Variants in GLIS1 observed in about 807,000 individuals in gnomAD.
GLIS1 encodes GLIS family zinc finger 1.
A neutral mutation model predicts 63.8 loss-of-function variants in GLIS1; 24 were observed. The observed-to-expected ratio is 0.38, with a 90% CI of 0.27 to 0.53. GLIS1 has a LOEUF of 0.53. Among genes scored for constraint, GLIS1 ranks in the 20% least tolerant of loss-of-function variants. The pLI is 0.85. For missense variants in GLIS1, 1,036 were observed against 1,074.1 expected (o/e 0.96, Z 0.50); for synonymous variants, 450 against 482.5 (o/e 0.93, Z 0.88).
At chr1:53,597,205 A>T (rs944295954) in intron 3 of GLIS1, among the ~76,000 whole-genome samples, 6 of 147,256 alleles carry the variant, frequency 4.1e-5, no homozygotes, top group African/African-American at 1.5e-4. Flanking sequence ...AAAAAAAAAA[A>T]AAAAAACACT....
chr1:53,704,145 A>G (rs539158248), intron 2 of GLIS1, among the ~76,000 whole-genome samples: 1 of 152,224 alleles, frequency 6.6e-6, no homozygotes, highest in Non-Finnish European at 1.5e-5. Context: ...GTGGCCTTTG[A>G]AAAGTCTTCT....
intron 2 of GLIS1, among the ~76,000 whole-genome samples, chr1:53,658,272 C>T (rs116256503): frequency 4.1e-4 from 63 of 152,302 alleles, no homozygotes; most frequent in African/African-American, 1.5e-3. Flanking sequence ...TCCTATATTG[C>T]TACTATACAC....
chr1:53,575,902 C>T (rs763600348), intron 4 of GLIS1, among the ~76,000 whole-genome samples: 24 of 152,032 alleles, frequency 1.6e-4, no homozygotes, highest in Admixed American at 7.9e-4. Flanking sequence ...AAAGAGGGCC[C>T]CAAGGGGGTA....
chr1:53,541,885 G>A (rs1258470469), intron 4 of GLIS1, among the ~76,000 whole-genome samples: 1 of 152,240 alleles, frequency 6.6e-6, no homozygotes, highest in East Asian at 1.9e-4. Flanking sequence ...TCCTGCAGCT[G>A]GGGGAGTTTG....
intron 2 of GLIS1, among the ~76,000 whole-genome samples, chr1:53,637,158 G>A (rs766323178): frequency 1.1e-4 from 16 of 152,154 alleles, no homozygotes; most frequent in Non-Finnish European, 2.1e-4. Flanking sequence ...CTGGGCTGGT[G>A]GGCACTGACA....
rs981051042 is a variant in GLIS1 at position 53,650,367 on chromosome 1, A to G, written c.260-50089T>C. 7.2e-5 allele frequency among the ~76,000 whole-genome samples: 11 copies of G among 152,350 alleles called. No individual in the cohort carries two copies. In the East Asian group the frequency reaches 2.1e-3, roughly 29 times the overall value. On this transcript the variant is annotated intron_variant, in intron 2 of 10. Coordinates refer to ENST00000628545, the MANE Select transcript of GLIS1 (RefSeq NM_001367484.1). ...CACTTTGGGAGGCTGAGGCAGGTGG[A>G]TCACCTGAAGTCAGGAGTTCAAGAC... is the stretch of plus-strand genomic sequence containing the variant.
chr1:53,570,310 G>A (rs1490973511), intron 4 of GLIS1, among the ~76,000 whole-genome samples: 5 of 151,902 alleles, frequency 3.3e-5, no homozygotes, highest in African/African-American at 1.2e-4. Context: ...GTTTAGAGAT[G>A]GGGGTCTTAC....
At chr1:53,612,976 G>A (rs752282858) in intron 2 of GLIS1, among the ~76,000 whole-genome samples, 4 of 152,064 alleles carry the variant, frequency 2.6e-5, no homozygotes, top group Non-Finnish European at 4.4e-5. Flanking sequence ...CCACCACCAC[G>A]TGCGGCTAAT....
At chr1:53,649,635 G>A (rs1645884775) in intron 2 of GLIS1, among the ~76,000 whole-genome samples, 1 of 152,210 alleles carries the variant, frequency 6.6e-6, no homozygotes, top group South Asian at 2.1e-4. Context: ...TGCTTGATAT[G>A]TACCATAGAT....
At position 53,539,938 on chromosome 1, in the gene GLIS1, C is replaced by A. The variant is rs916365949; in HGVS notation, c.1321-9986G>T. ...TCCCTCCCCACGCTGCAGCCACAGG[C>A]CACACATTGCCGCCTCCACGCCTTT... On this transcript the variant is annotated intron_variant, in intron 4 of 10. Coordinates refer to ENST00000628545, the MANE Select transcript of GLIS1 (RefSeq NM_001367484.1). The surrounding 1 kb of genome is among the most constrained non-coding windows in gnomAD (Gnocchi z 5.0). Among the ~76,000 whole-genome samples the A allele has an allele frequency of 5.3e-5, 8 of 152,210 alleles. No individual in the cohort carries two copies. Among genetic ancestry groups the A allele is most frequent in the Non-Finnish European group, 1.2e-4 (8 of 68,040 alleles).
At chr1:53,618,836 A>G (rs1351779232) in intron 2 of GLIS1, among the ~76,000 whole-genome samples, 1 of 152,094 alleles carries the variant, frequency 6.6e-6, no homozygotes, top group African/African-American at 2.4e-5. Flanking sequence ...TCTTTTTCAC[A>G]CTTGAGGTCA....
At chr1:53,512,682 A>G (rs962336589) in intron 8 of GLIS1, among the ~76,000 whole-genome samples, 1 of 152,084 alleles carries the variant, frequency 6.6e-6, no homozygotes, top group Non-Finnish European at 1.5e-5. Context: ...ACCCGCAGGC[A>G]GGGGTGGGCA....
At chr1:53,596,937 G>A (rs1331646688) in intron 3 of GLIS1, among the ~76,000 whole-genome samples, 1 of 152,074 alleles carries the variant, frequency 6.6e-6, no homozygotes, top group Non-Finnish European at 1.5e-5. Context: ...TGTGCTGGGT[G>A]ATGCTGAAGA....
At position 53,594,670 on chromosome 1, in the gene GLIS1, G is replaced by C; in HGVS notation, c.758C>G (p.Ser253Cys). 2.6e-6 allele frequency: 4 copies of C among 1,555,004 alleles called. No homozygotes were observed. Among genetic ancestry groups the C allele is most frequent in the Non-Finnish European group, 3.5e-6 (4 of 1,148,040 alleles). Reference protein sequence around the residue: ...LGLPPTSPASSSPCASSDVTS... With the variant: ...LGLPPTSPASCSPCASSDVTS... ...GACGTCGGAGGAGGCACAGGGTGAG[G>C]AGGAGGCTGGGGAGGTGGGGGGTAG... The change falls in exon 4 of 11, where the codon TCC becomes TGC. Residue 253 changes from serine to cysteine, a missense_variant. Around this residue, in one of 3 missense-constraint regions of GLIS1, gnomAD observed 592 missense variants for 593.9 expected, o/e 1.00. Coordinates refer to ENST00000628545, the MANE Select transcript of GLIS1 (RefSeq NM_001367484.1).
intron 4 of GLIS1, among the ~76,000 whole-genome samples, chr1:53,564,775 G>A (rs1206022907): frequency 6.6e-6 from 1 of 151,970 alleles, no homozygotes; most frequent in Non-Finnish European, 1.5e-5. Context: ...AATAATAAAA[G>A]TTTTCATTTT....
chr1:53,629,220 A>G (rs1171735739), intron 2 of GLIS1, among the ~76,000 whole-genome samples: 1 of 151,954 alleles, frequency 6.6e-6, no homozygotes, highest in Non-Finnish European at 1.5e-5. Flanking sequence ...CTCCCTCCTG[A>G]GATGCCTTTC....
intron 4 of GLIS1, among the ~76,000 whole-genome samples, chr1:53,543,348 G>A (rs996267642): frequency 2.0e-5 from 3 of 152,160 alleles, no homozygotes; most frequent in Admixed American, 6.5e-5. Context: ...GGACTGCCTT[G>A]TTTAACCTCC....
At chr1:53,533,956 G>A (rs1382112013) in intron 4 of GLIS1, among the ~76,000 whole-genome samples, 6 of 152,138 alleles carry the variant, frequency 3.9e-5, no homozygotes, top group African/African-American at 1.2e-4. Context: ...GACAGATGGG[G>A]AGCTGATGCT....
chr1:53,632,804 G>A (rs1645675033), intron 2 of GLIS1, among the ~76,000 whole-genome samples: 1 of 137,240 alleles, frequency 7.3e-6, no homozygotes, highest in African/African-American at 2.8e-5. Context: ...GGAGAAAGGG[G>A]GAGTGAGAGA....
Sources: allele counts gnomAD v4.1 joint callset (sites outside exome capture counted in the v4.1 genomes callset), GRCh38; gene constraint gnomAD v4.1.1; regional missense constraint gnomAD v4.1.1; non-coding constraint Gnocchi (gnomAD v3.1); transcripts MANE v1.5; gene names NCBI Gene and HGNC (gene_info 2026-07-23, HGNC 2026-07-21).